PRKCB: variants seen among roughly 807,000 people sequenced by gnomAD.
PRKCB encodes protein kinase C beta.
In PRKCB, 13 loss-of-function variants were observed where a neutral mutation model predicts 81.5. The ratio of observed to expected loss-of-function variants is 0.16; its 90% confidence interval spans 0.10 to 0.25. The LOEUF (loss-of-function observed/expected upper bound fraction) is 0.25. PRKCB is among the 10% of genes least tolerant of loss of function. The pLI, the probability that PRKCB is intolerant of heterozygous loss-of-function variation, is 1.00. For missense variants in PRKCB, 509 were observed against 875.7 expected (o/e 0.58, Z 5.29); for synonymous variants, 335 against 321.4 (o/e 1.04, Z -0.45).
intron 2 of PRKCB, among the ~76,000 whole-genome samples, chr16:23,936,143 C>G (rs1964054608): frequency 2.6e-5 from 4 of 152,068 alleles, no homozygotes; most frequent in Admixed American, 2.6e-4. Flanking sequence ...TCCTTCACCC[C>G]CTTTGTTGTC....
At chr16:23,989,332 G>A (rs111325138) in intron 3 of PRKCB, among the ~76,000 whole-genome samples, 17 of 152,212 alleles carry the variant, frequency 1.1e-4, no homozygotes, top group African/African-American at 4.1e-4. Flanking sequence ...CAATCCTCCT[G>A]CCTTGGCCTC....
intron 2 of PRKCB, among the ~76,000 whole-genome samples, chr16:23,976,075 G>A (rs766593228): frequency 2.0e-5 from 3 of 152,026 alleles, no homozygotes; most frequent in Non-Finnish European, 2.9e-5. Context: ...GGGAGCCTGA[G>A]GCAAGAAGAC....
intron 8 of PRKCB, among the ~76,000 whole-genome samples, chr16:24,121,053 A>G (rs1002865429): frequency 6.6e-6 from 1 of 152,298 alleles, no homozygotes; most frequent in South Asian, 2.1e-4. Context: ...TCATGCTCAT[A>G]GTCAGCCTGA....
At chr16:24,103,791 A>C (rs931328467) in intron 7 of PRKCB, among the ~76,000 whole-genome samples, 5 of 152,022 alleles carry the variant, frequency 3.3e-5, no homozygotes, top group African/African-American at 1.2e-4. Flanking sequence ...TATTCATTCC[A>C]ATGTATTATA....
At chr16:23,921,113 T>C (rs1963818760) in intron 2 of PRKCB, among the ~76,000 whole-genome samples, 4 of 152,178 alleles carry the variant, frequency 2.6e-5, no homozygotes, top group Non-Finnish European at 4.4e-5. Flanking sequence ...ATTCAGTTAT[T>C]TCCACCTAGC....
chr16:24,188,241 C>A (rs1004963466), intron 15 of PRKCB, among the ~76,000 whole-genome samples: 3 of 152,122 alleles, frequency 2.0e-5, no homozygotes, highest in Non-Finnish European at 4.4e-5. Flanking sequence ...TGGGCTGAGT[C>A]CAATGGGGCT....
At chr16:24,026,696 A>G (rs1331779769) in intron 3 of PRKCB, among the ~76,000 whole-genome samples, 1 of 152,204 alleles carries the variant, frequency 6.6e-6, no homozygotes, top group Non-Finnish European at 1.5e-5. Context: ...GTAGAGACAG[A>G]ATGTGTCCTA....
intron 2 of PRKCB, among the ~76,000 whole-genome samples, chr16:23,856,859 C>T (rs1962577097): frequency 6.6e-6 from 1 of 152,144 alleles, no homozygotes; most frequent in African/African-American, 2.4e-5. Flanking sequence ...ACATATATAG[C>T]CATGAGTGAA....
chr16:24,056,716 T>C (rs1183762644), intron 5 of PRKCB, among the ~76,000 whole-genome samples: 2 of 152,194 alleles, frequency 1.3e-5, no homozygotes, highest in African/African-American at 4.8e-5. Context: ...TACCATGTGA[T>C]ACACGGGCTC....
chr16:23,970,214 A>C (rs1425980909), intron 2 of PRKCB, among the ~76,000 whole-genome samples: 1 of 152,236 alleles, frequency 6.6e-6, no homozygotes, highest in Non-Finnish European at 1.5e-5. Flanking sequence ...TTCTTGGGAA[A>C]TCAGTGGAGT....
chr16:23,904,178 A>AT (rs1376315289), intron 2 of PRKCB, among the ~76,000 whole-genome samples: 1 of 152,082 alleles, frequency 6.6e-6, no homozygotes, highest in Non-Finnish European at 1.5e-5. Context: ...CCTGGCCTGC[A>AT]GCTAAGGGGG....
intron 2 of PRKCB, among the ~76,000 whole-genome samples, chr16:23,961,828 G>T (rs1023857277): frequency 6.6e-6 from 1 of 152,100 alleles, no homozygotes; most frequent in African/African-American, 2.4e-5. Context: ...GTGCTCAAAA[G>T]GTTTTGGGTT....
rs752286160 is a variant in PRKCB at position 24,214,550 on chromosome 16, A to G, written c.1864-108A>G. 4.2e-4 allele frequency: 358 copies of G among 850,766 alleles called. 2 individuals carry two copies. Among genetic ancestry groups the G allele is most frequent in the Admixed American group, 1.3e-3 (47 of 37,486 alleles). 52.7% of individuals were successfully genotyped at this position (850,766 alleles called of 1,614,324 possible). A position where few individuals can be genotyped will look rare whatever the true frequency, so the allele number is the denominator to read the frequency against. On this transcript the variant is annotated intron_variant, in intron 16 of 16. Transcript: ENST00000643927. ...AACCTCTCTGAGTTTCTGAAAGGGA[A>G]GGGAATGGAGAAAAGCACACCCAAT...
At chr16:24,187,371 G>C (rs1446038862) in intron 15 of PRKCB, among the ~76,000 whole-genome samples, 1 of 152,150 alleles carries the variant, frequency 6.6e-6, no homozygotes, top group Non-Finnish European at 1.5e-5. Context: ...GTTGTTTGAC[G>C]GCATCTGCAG....
chr16:23,904,384 T>TGGG (rs1963526011), intron 2 of PRKCB, among the ~76,000 whole-genome samples: 1 of 152,164 alleles, frequency 6.6e-6, no homozygotes, highest in Non-Finnish European at 1.5e-5. Flanking sequence ...TAGAGGAAGC[T>TGGG]GGGCGTGGTG....
intron 10 of PRKCB, among the ~76,000 whole-genome samples, chr16:24,162,791 C>T (rs941736395): frequency 6.6e-6 from 1 of 152,070 alleles, no homozygotes; most frequent in Non-Finnish European, 1.5e-5. Context: ...TTAATGCGTG[C>T]AATGTACCTT....
At chr16:24,017,258 C>A (rs1274783091) in intron 3 of PRKCB, among the ~76,000 whole-genome samples, 1 of 152,118 alleles carries the variant, frequency 6.6e-6, no homozygotes. Flanking sequence ...AGAGGCATTT[C>A]AAATCAGCAG....
At position 24,216,820 on chromosome 16, in the gene PRKCB, G is replaced by A. The variant is rs1567416535; in HGVS notation, c.*2004G>A. 1.0e-6 allele frequency: 1 copy of A among 985,344 alleles called. No homozygotes were observed. The allele number at this position is 985,344 out of a possible 1,614,324, so 61.0% of individuals were successfully genotyped here. On this transcript the variant is annotated 3_prime_UTR_variant, in exon 17 of 17. Transcript: ENST00000643927. The stretch of plus-strand genomic sequence containing the variant: ...CTTTATTGTTGAGAAACTGGCATCT[G>A]GAAAGAGGAAGGAATTTGCCCAAAG...
intron 2 of PRKCB, among the ~76,000 whole-genome samples, chr16:23,881,021 A>G (rs1303247917): frequency 7.2e-5 from 11 of 152,126 alleles, no homozygotes; most frequent in Admixed American, 5.2e-4. Context: ...TGTTACAAGC[A>G]GTGCTCTGAT....
Sources: gnomAD v4.1 joint callset for allele counts (sites outside exome capture counted in the v4.1 genomes callset) on GRCh38, gnomAD v4.1.1 for gene constraint, MANE v1.5 for transcripts, NCBI Gene and HGNC (gene_info 2026-07-23, HGNC 2026-07-21) for gene names.